The following CNOT10 variants were observed in gnomAD, a reference collection of about 807,000 sequenced individuals.
The protein encoded by CNOT10 is CCR4-NOT transcription complex, subunit 10.
A neutral mutation model predicts 94.6 loss-of-function variants in CNOT10; 30 were observed. That is an observed-to-expected ratio of 0.32 (90% CI 0.24 to 0.43). CNOT10 has a LOEUF of 0.43. Ranked by LOEUF, CNOT10 falls within the 20% of genes least tolerant of loss-of-function variation. The pLI is 1.00. For missense variants in CNOT10, 759 were observed against 877.2 expected (o/e 0.87, Z 1.70); for synonymous variants, 289 against 301.6 (o/e 0.96, Z 0.43).
intron 8 of CNOT10, among the ~76,000 whole-genome samples, chr3:32,723,316 C>T (rs989767295): frequency 5.3e-5 from 8 of 151,078 alleles, no homozygotes; most frequent in African/African-American, 9.7e-5. Context: ...GGCATGAACC[C>T]GGGAGGCAGA....
At chr3:32,716,390 C>T (rs1698122291) in intron 6 of CNOT10, 79 bp downstream of exon 6, 1 of 660,874 alleles carries the variant, frequency 1.5e-6, no homozygotes, top group Non-Finnish European at 2.6e-6. Context: ...TGAGATAGAT[C>T]ATTGGAAGCA....
chr3:32,703,823 T>C (rs775972575), intron 1 of CNOT10, 45 bp from the exon 2 acceptor site: 15 of 1,400,194 alleles, frequency 1.1e-5, no homozygotes, highest in Middle Eastern at 1.8e-4. Flanking sequence ...GGGACCACTG[T>C]ACAACTTTTA....
intron 1 of CNOT10, among the ~76,000 whole-genome samples, chr3:32,688,889 A>G (rs1262145877): frequency 1.3e-5 from 2 of 152,138 alleles, no homozygotes; most frequent in African/African-American, 4.8e-5. Flanking sequence ...TCCAGGCAAC[A>G]GGATGAGACC....
At chr3:32,693,963 T>A (rs1244481468) in intron 1 of CNOT10, among the ~76,000 whole-genome samples, 1 of 152,204 alleles carries the variant, frequency 6.6e-6, no homozygotes, top group Admixed American at 6.5e-5. Context: ...AGAGAGTACC[T>A]AAGAGTCACT....
At chr3:32,761,247 G>C (rs1373093878) in intron 14 of CNOT10, among the ~76,000 whole-genome samples, 1 of 152,216 alleles carries the variant, frequency 6.6e-6, no homozygotes, top group Non-Finnish European at 1.5e-5. Context: ...AGATGGGGAA[G>C]ATCCTAATTT....
At chr3:32,743,586 A>G (rs967027641) in intron 13 of CNOT10, among the ~76,000 whole-genome samples, 2 of 152,136 alleles carry the variant, frequency 1.3e-5, no homozygotes, top group East Asian at 1.9e-4. Flanking sequence ...GTGAGCCGAG[A>G]TCGTGCCACT....
chr3:32,703,660 C>T (rs1345336400), intron 1 of CNOT10: 16 of 478,250 alleles, frequency 3.3e-5, no homozygotes, highest in Non-Finnish European at 5.3e-5. Context: ...TGGGACAGAG[C>T]GGGACACTGC....
At chr3:32,753,882 T>C (rs777183547) in intron 13 of CNOT10, 25 of 1,362,708 alleles carry the variant, frequency 1.8e-5, no homozygotes, top group East Asian at 2.3e-5. Context: ...CCTGATGATA[T>C]GGAATGGAAA....
chr3:32,728,834 G>T (rs777274307), intron 10 of CNOT10, among the ~76,000 whole-genome samples: 3 of 150,606 alleles, frequency 2.0e-5, no homozygotes, highest in Non-Finnish European at 4.4e-5. Context: ...AGGTGCGGTG[G>T]TCACGCCTGT....
intron 8 of CNOT10, among the ~76,000 whole-genome samples, chr3:32,723,941 A>G (rs1698535374): frequency 6.6e-6 from 1 of 151,980 alleles, no homozygotes; most frequent in Admixed American, 6.6e-5. Flanking sequence ...TTAGCTGGGC[A>G]TGGTGGCCCG....
At position 32,686,508 on chromosome 3, in the gene CNOT10, CAACAG is replaced by C. The variant is rs533578111; in HGVS notation, c.22+1031_22+1035del. On this transcript the variant is annotated intron_variant, in intron 1 of 18. Transcript: ENST00000328834. The stretch of plus-strand genomic sequence containing the variant: ...CTCTTCAATAATCTAAGAAGAAAAA[CAACAG>C]AACAAAGGCCTTGAGAGGGTATAAG... Among the ~76,000 whole-genome samples, 18 of 152,172 alleles carry C rather than the reference CAACAG, an allele frequency of 1.2e-4. 1 individual carries two copies. In the South Asian group the frequency reaches 3.7e-3, roughly 32 times the overall value.
At chr3:32,749,509 A>G (rs952710767) in intron 13 of CNOT10, among the ~76,000 whole-genome samples, 5 of 150,116 alleles carry the variant, frequency 3.3e-5, no homozygotes, top group Non-Finnish European at 7.4e-5. Context: ...TCTTGGGTTC[A>G]AGTGATTCTC....
intron 18 of CNOT10, among the ~76,000 whole-genome samples, chr3:32,770,461 G>A (rs1161016217): frequency 1.3e-5 from 2 of 150,194 alleles, no homozygotes; most frequent in Non-Finnish European, 3.0e-5. Flanking sequence ...GAGTAGCTAG[G>A]ACTACAGGCG....
intron 17 of CNOT10, among the ~76,000 whole-genome samples, chr3:32,768,644 A>C (rs1700758592): frequency 6.6e-6 from 1 of 152,228 alleles, no homozygotes; most frequent in Non-Finnish European, 1.5e-5. Flanking sequence ...TTGCCTAGAA[A>C]GCTAGGCTTA....
At chr3:32,725,228 G>T (rs759382768) in intron 8 of CNOT10, among the ~76,000 whole-genome samples, 2 of 152,016 alleles carry the variant, frequency 1.3e-5, no homozygotes, top group African/African-American at 4.8e-5. Context: ...AATAGGACTG[G>T]TTTTTTTAAA....
intron 13 of CNOT10, among the ~76,000 whole-genome samples, chr3:32,757,381 G>A (rs1404003668): frequency 4.6e-5 from 7 of 151,708 alleles, no homozygotes; most frequent in Non-Finnish European, 7.4e-5. Context: ...GTTTCTCCAT[G>A]TTGGTCAAGC....
chr3:32,707,161 G>GT (rs1273254465), intron 3 of CNOT10, among the ~76,000 whole-genome samples: 1 of 152,086 alleles, frequency 6.6e-6, no homozygotes. Context: ...TAGACTTCCA[G>GT]TTTCATGTGT....
At chr3:32,716,861 G>A (rs1476962174) in intron 6 of CNOT10, among the ~76,000 whole-genome samples, 2 of 152,112 alleles carry the variant, frequency 1.3e-5, no homozygotes, top group African/African-American at 4.8e-5. Flanking sequence ...TGTTGGCCAG[G>A]CTGGTCTCAA....
intron 12 of CNOT10, among the ~76,000 whole-genome samples, chr3:32,735,423 T>A (rs1235529825): frequency 6.6e-6 from 1 of 152,022 alleles, no homozygotes; most frequent in Non-Finnish European, 1.5e-5. Context: ...TTAAAAAAAA[T>A]TTGGCCAGGT....
Sources: gnomAD v4.1 joint callset for allele counts (sites outside exome capture counted in the v4.1 genomes callset) on GRCh38, gnomAD v4.1.1 for gene constraint, MANE v1.5 for transcripts, NCBI Gene and HGNC (gene_info 2026-07-23, HGNC 2026-07-21) for gene names.